Variants in RGSL1 observed in about 807,000 individuals in gnomAD.
RGSL1 encodes the protein regulator of G protein signaling protein-like.
Under a neutral mutation model 124.7 loss-of-function variants are expected in RGSL1, and 97 were observed. The ratio of observed to expected loss-of-function variants is 0.78; its 90% confidence interval spans 0.66 to 0.92. RGSL1 has a LOEUF of 0.92. RGSL1 is among the 40% of genes least tolerant of loss of function. The pLI is 0.00. For synonymous variants in RGSL1, 424 were observed against 438.1 expected (o/e 0.97, Z 0.40); for missense variants, 1,233 against 1,288.4 (o/e 0.96, Z 0.66).
At chr1:182,557,770 ATCT>A (rs879307522) in intron 21 of RGSL1, among the ~76,000 whole-genome samples, 1 of 152,174 alleles carries the variant, frequency 6.6e-6, no homozygotes, top group Admixed American at 6.5e-5. Flanking sequence ...GGAAAAAAAA[ATCT>A]TCTCTTTTGT....
intron 11 of RGSL1, 53 bp from the exon 12 acceptor site, chr1:182,530,191 C>A: frequency 7.4e-7 from 1 of 1,349,590 alleles, no homozygotes; most frequent in Non-Finnish European, 1.0e-6. Context: ...CACCAGCTAT[C>A]TCAGAAATGG....
intron 9 of RGSL1, among the ~76,000 whole-genome samples, chr1:182,508,290 G>T (rs1256764933): frequency 2.2e-4 from 12 of 53,790 alleles, no homozygotes; most frequent in Middle Eastern, 0.021. Context: ...TGGTGGTGGT[G>T]TTTTTTTTTT....
At chr1:182,460,830 G>C in intron 4 of RGSL1, 1 of 420,846 alleles carries the variant, frequency 2.4e-6, no homozygotes, top group Non-Finnish European at 4.7e-6. Flanking sequence ...GTAAATTGTA[G>C]TTGATCTCAT....
intron 9 of RGSL1, among the ~76,000 whole-genome samples, chr1:182,513,580 G>T (rs992462571): frequency 3.3e-5 from 5 of 152,210 alleles, no homozygotes; most frequent in Admixed American, 3.3e-4. Flanking sequence ...ATCGGTAGTA[G>T]TTAACAGGTG....
At chr1:182,527,534 T>A in intron 10 of RGSL1, 45 bp from the exon 11 acceptor site, 2 of 1,467,900 alleles carry the variant, frequency 1.4e-6, no homozygotes, top group Non-Finnish European at 1.8e-6. Context: ...GAATCCAGAA[T>A]CATCATTCCT....
intron 2 of RGSL1, among the ~76,000 whole-genome samples, chr1:182,457,656 T>G (rs1307678227): frequency 2.0e-5 from 3 of 152,214 alleles, no homozygotes; most frequent in Admixed American, 6.5e-5. Context: ...TCTAGTTTTC[T>G]GCAAATACTT....
chr1:182,551,030 C>T, intron 17 of RGSL1, 70 bp from the exon 18 acceptor site: 1 of 1,027,026 alleles, frequency 9.7e-7, no homozygotes, highest in Non-Finnish European at 1.5e-6. Flanking sequence ...CCCTGTTTCC[C>T]CTGTGCTCGG....
At chr1:182,519,391 T>G (rs1658158837) in intron 9 of RGSL1, among the ~76,000 whole-genome samples, 1 of 152,216 alleles carries the variant, frequency 6.6e-6, no homozygotes, top group African/African-American at 2.4e-5. Flanking sequence ...ATTAACACTT[T>G]GAAAATGTTA....
At chr1:182,553,648 C>CA in intron 19 of RGSL1, 107 bp downstream of exon 19, 1 of 895,884 alleles carries the variant, frequency 1.1e-6, no homozygotes, top group Non-Finnish European at 1.7e-6. Flanking sequence ...CTGAGACCCC[C>CA]AAAATGTGAA....
intron 14 of RGSL1, among the ~76,000 whole-genome samples, chr1:182,539,230 C>T (rs1659735906): frequency 6.6e-6 from 1 of 152,180 alleles, no homozygotes; most frequent in Admixed American, 6.5e-5. Flanking sequence ...ACCCTCTTTT[C>T]CCAGAATCCC....
intron 14 of RGSL1, among the ~76,000 whole-genome samples, chr1:182,538,617 C>G (rs1303724692): frequency 6.6e-6 from 1 of 151,784 alleles, no homozygotes; most frequent in Non-Finnish European, 1.5e-5. Context: ...TACACAAAAG[C>G]AAAATTAAGT....
At chr1:182,505,049 T>A (rs1656712949) in intron 9 of RGSL1, among the ~76,000 whole-genome samples, 1 of 152,186 alleles carries the variant, frequency 6.6e-6, no homozygotes, top group Admixed American at 6.5e-5. Flanking sequence ...TATGTATCCT[T>A]CCCCAACTTC....
rs1023813111 is a variant in RGSL1, at chr1:182,493,393, C to T, written c.1825+264C>T. ...CATTTCTACTTTCTTATCTAGTTAT[C>T]ACTCTGGGGTTTTAATTAATGTGAA... is the stretch of plus-strand genomic sequence containing the variant. On this transcript the variant is annotated intron_variant, in intron 9 of 21. Transcript: ENST00000294854. Among the ~76,000 whole-genome samples the T allele has an allele frequency of 3.3e-5, 5 of 152,292 alleles. No homozygotes were observed. The East Asian group carries it at 9.6e-4, about 29-fold the overall frequency.
intron 9 of RGSL1, among the ~76,000 whole-genome samples, chr1:182,496,216 A>G (rs1480241050): frequency 6.6e-6 from 1 of 152,122 alleles, no homozygotes; most frequent in East Asian, 1.9e-4. Context: ...CCAATAAGAT[A>G]TCATGAGAAC....
At chr1:182,559,837 A>T (rs1661073135) in intron 21 of RGSL1, among the ~76,000 whole-genome samples, 1 of 150,654 alleles carries the variant, frequency 6.6e-6, no homozygotes. Context: ...TTCTCCTCTT[A>T]CTCTCTCCTC....
intron 21 of RGSL1, 38 bp downstream of exon 21, chr1:182,556,260 T>C: frequency 1.8e-6 from 1 of 558,468 alleles, no homozygotes; most frequent in Non-Finnish European, 3.2e-6. Flanking sequence ...AGCGCATCTT[T>C]CCACTACAGT....
In RGSL1 at chr1:182,450,198, G is replaced by A; in HGVS notation, c.13+20G>A. 10 of 1,552,036 alleles carry A rather than the reference G, an allele frequency of 6.4e-6. No homozygotes were observed. Among genetic ancestry groups the A allele is most frequent in the Non-Finnish European group, 8.7e-6 (10 of 1,147,022 alleles). On this transcript the variant is annotated intron_variant, in intron 1 of 21. Transcript: ENST00000294854. ...GTGCTGGTGAGTCTCTGCCAGGGAT[G>A]TCTCCAAGGCCTTGAGTCTCTCAAA...
chr1:182,454,969 T>A (rs1488179282), intron 2 of RGSL1, among the ~76,000 whole-genome samples: 6 of 152,116 alleles, frequency 3.9e-5, no homozygotes, highest in Admixed American at 6.5e-5. Flanking sequence ...ACCCTCTCTA[T>A]CCCACACATG....
At chr1:182,506,585 G>A (rs946357544) in intron 9 of RGSL1, among the ~76,000 whole-genome samples, 1 of 151,930 alleles carries the variant, frequency 6.6e-6, no homozygotes, top group African/African-American at 2.4e-5. Context: ...ATATCCCTTT[G>A]TTCTCATATT....
Sources: allele counts gnomAD v4.1 joint callset (sites outside exome capture counted in the v4.1 genomes callset), GRCh38; gene constraint gnomAD v4.1.1; transcripts MANE v1.5; gene names NCBI Gene and HGNC (gene_info 2026-07-23, HGNC 2026-07-21).